BNIP1: variants seen among roughly 807,000 people sequenced by gnomAD.
BNIP1 encodes vesicle transport protein SEC20.
A neutral mutation model predicts 28.5 loss-of-function variants in BNIP1; 25 were observed. The observed-to-expected ratio is 0.88, with a 90% CI of 0.64 to 1.23. The LOEUF (loss-of-function observed/expected upper bound fraction) is 1.23, where lower values mean the gene tolerates loss of function less well. BNIP1 is among the 50% of genes most tolerant of loss of function. BNIP1 has a pLI of 0.00. For synonymous variants in BNIP1, 118 were observed against 101.7 expected, an observed-to-expected ratio of 1.16 and a Z score of -0.96; for missense variants, 276 against 277.0, an observed-to-expected ratio of 1.00 and a Z score of 0.02.
At chr5:173,162,592 G>A (rs1760394786) in intron 5 of BNIP1, among the ~76,000 whole-genome samples, 1 of 152,024 alleles carries the variant, frequency 6.6e-6, no homozygotes, top group Non-Finnish European at 1.5e-5. Context: ...TCACGCCACT[G>A]CACTCCAGCC....
intron 2 of BNIP1, among the ~76,000 whole-genome samples, chr5:173,150,586 C>T (rs1479260726): frequency 6.6e-6 from 1 of 152,108 alleles, no homozygotes; most frequent in Non-Finnish European, 1.5e-5. Flanking sequence ...AAAAGATGTT[C>T]CTTTTACATG....
Position 173,154,430 on chromosome 5 carries a change from C to T in BNIP1, c.269+17C>T, listed in dbSNP as rs920004207. Reference sequence around the variant, plus strand: ...GATGCTCAGGTAGGCAGGGCCTGCCCCCGCCAGCGGCTTCTGCTGGCTCTT... The same window carrying T: ...GATGCTCAGGTAGGCAGGGCCTGCCTCCGCCAGCGGCTTCTGCTGGCTCTT... On this transcript the variant is annotated intron_variant, in intron 3 of 5. Coordinates refer to ENST00000351486, the MANE Select transcript of BNIP1 (RefSeq NM_001205.3). 4.4e-6 allele frequency: 7 copies of T among 1,597,072 alleles called. No homozygotes were observed. The highest frequency in any genetic ancestry group is 1.7e-4 in the Middle Eastern group (1 of 5,882).
chr5:173,145,463 G>T (rs1457247149), intron 1 of BNIP1, among the ~76,000 whole-genome samples: 5 of 152,186 alleles, frequency 3.3e-5, no homozygotes, highest in African/African-American at 9.7e-5. Context: ...GTGCAGTGGC[G>T]CGATCTCGAC....
intron 5 of BNIP1, among the ~76,000 whole-genome samples, chr5:173,162,637 AAAG>A (rs1760396138): frequency 6.6e-6 from 1 of 152,162 alleles, no homozygotes; most frequent in African/African-American, 2.4e-5. Context: ...TCAAAAAAAA[AAAG>A]AAAAGAAACA....
At chr5:173,147,013 G>A (rs1759859575) in intron 2 of BNIP1, 55 bp downstream of exon 2, 2 of 1,402,782 alleles carry the variant, frequency 1.4e-6, no homozygotes, top group Non-Finnish European at 2.0e-6. Context: ...TATATCCTCT[G>A]CTTGAGAGCC....
chr5:173,147,173 G>C (rs29797), intron 2 of BNIP1, among the ~76,000 whole-genome samples: 74,787 of 151,924 alleles, frequency 0.49, 19,489 homozygotes, highest in Non-Finnish European at 0.59. Flanking sequence ...TTGGGAGGCC[G>C]AGGCGGGGAG....
intron 1 of BNIP1, chr5:173,145,176 T>C (rs1759797121): frequency 6.5e-6 from 1 of 154,086 alleles, no homozygotes; most frequent in Non-Finnish European, 1.4e-5. Context: ...TTAGAAGGCA[T>C]ACCTGGGTCA....
chr5:173,151,730 G>C, intron 2 of BNIP1: 1 of 1,609,984 alleles, frequency 6.2e-7, no homozygotes, highest in Non-Finnish European at 8.5e-7. Flanking sequence ...ACATCTGGGT[G>C]CCCACCCAGT....
At chr5:173,150,611 CTGTCTA>C (rs1759988576) in intron 2 of BNIP1, among the ~76,000 whole-genome samples, 1 of 152,074 alleles carries the variant, frequency 6.6e-6, no homozygotes, top group African/African-American at 2.4e-5. Flanking sequence ...ATGTATGTGT[CTGTCTA>C]TAAGTATCAA....
At chr5:173,162,504 C>A (rs1282595594) in intron 5 of BNIP1, among the ~76,000 whole-genome samples, 1 of 152,072 alleles carries the variant, frequency 6.6e-6, no homozygotes, top group Non-Finnish European at 1.5e-5. Flanking sequence ...TGGTGCATGC[C>A]TGTAGTCCCA....
chr5:173,163,592 A>T, intron 5 of BNIP1, 133 bp from the exon 6 acceptor site: 1 of 784,778 alleles, frequency 1.3e-6, no homozygotes, highest in South Asian at 2.2e-5. Flanking sequence ...GCTGGTCTCC[A>T]CATGCTTTGA....
intron 2 of BNIP1, among the ~76,000 whole-genome samples, chr5:173,151,054 C>T (rs1760003564): frequency 6.6e-6 from 1 of 151,996 alleles, no homozygotes; most frequent in East Asian, 1.9e-4. Flanking sequence ...CCAGGCTGGT[C>T]TCGATCTCCT....
chr5:173,145,145 A>C (rs1759796494), intron 1 of BNIP1: 1 of 155,112 alleles, frequency 6.4e-6, no homozygotes. Flanking sequence ...GAGGAAATCG[A>C]GTACGGCGCC....
intron 2 of BNIP1, among the ~76,000 whole-genome samples, chr5:173,148,081 AAAATATATATATATATATATATATAT>A (rs1581068368): frequency 1.9e-5 from 1 of 51,700 alleles, no homozygotes; most frequent in Admixed American, 2.6e-4. Flanking sequence ...AAAAAAAAAA[AAAATATATATATATATATATATATAT>A]ATATATATAT....
intron 2 of BNIP1, among the ~76,000 whole-genome samples, chr5:173,152,125 C>T (rs530348057): frequency 6.6e-6 from 1 of 152,284 alleles, no homozygotes; most frequent in African/African-American, 2.4e-5. Context: ...GAGGACTGCT[C>T]TCCCCCGCCA....
In BNIP1 at chr5:173,163,756, T is replaced by A; in HGVS notation, c.522T>A (p.Asn174Lys). 6.2e-7 allele frequency: 1 copy of A among 1,610,156 alleles called. No homozygotes were observed. Among genetic ancestry groups the A allele is most frequent in the Middle Eastern group, 1.7e-4 (1 of 6,046 alleles). Residue 174 changes from asparagine to lysine, a missense_variant, in exon 6 of 6, where the codon AAT becomes AAA. Physicochemically the swap from Asn to Lys is moderately conservative, Grantham distance 94 (BLOSUM62 0). Coordinates refer to ENST00000351486, the MANE Select transcript of BNIP1 (RefSeq NM_001205.3). ...VTSSRTILDA[N>K]EEFKSMSGTI... ...CTTCACGAACGATCCTGGATGCAAA[T>A]GAAGAATTTAAGTCCATGTCGGGCA...
At chr5:173,144,907 C>G (rs1366520731) in intron 1 of BNIP1, 5 of 385,956 alleles carry the variant, frequency 1.3e-5, no homozygotes, top group Non-Finnish European at 2.4e-5. Context: ...GGCTTTGCCC[C>G]TTCCACCTGC....
At chr5:173,149,830 CTT>C (rs1759964614) in intron 2 of BNIP1, among the ~76,000 whole-genome samples, 1 of 152,114 alleles carries the variant, frequency 6.6e-6, no homozygotes, top group South Asian at 2.1e-4. Context: ...AAGGGGATGA[CTT>C]ATGCCATTCA....
Position 173,164,151 on chromosome 5 carries a change from A to C in BNIP1, c.*230A>C. ...GGGATGCCGCCCTGGGGACATACGAACCGCCTCCTTCCACCATTGTGCACT... is the reference window on the plus strand; with the variant it reads ...GGGATGCCGCCCTGGGGACATACGACCCGCCTCCTTCCACCATTGTGCACT... On this transcript the variant is annotated 3_prime_UTR_variant, in exon 6 of 6. Coordinates refer to ENST00000351486, the MANE Select transcript of BNIP1 (RefSeq NM_001205.3). The surrounding 1 kb of genome is among the most constrained non-coding windows in gnomAD (Gnocchi z 4.0). The C allele has an allele frequency of 2.5e-6, 1 of 395,174 alleles. No individual in the cohort carries two copies. The highest frequency in any genetic ancestry group is 4.5e-6 in the Non-Finnish European group (1 of 223,526). The allele number at this position is 395,174 out of a possible 1,614,324, so 24.5% of individuals were successfully genotyped here.
Sources: gnomAD v4.1 joint callset for allele counts (sites outside exome capture counted in the v4.1 genomes callset) on GRCh38, gnomAD v4.1.1 for gene constraint, Gnocchi (gnomAD v3.1) non-coding constraint, MANE v1.5 for transcripts, NCBI Gene and HGNC (gene_info 2026-07-23, HGNC 2026-07-21) for gene names.